Variants in KIAA0825 observed in about 807,000 individuals in gnomAD.
KIAA0825 encodes the protein uncharacterized protein KIAA0825.
A neutral mutation model predicts 147.6 loss-of-function variants in KIAA0825; 119 were observed. The observed-to-expected ratio is 0.81, with a 90% CI of 0.69 to 0.94. KIAA0825 has a LOEUF of 0.94. Ranked by LOEUF, KIAA0825 falls within the 40% of genes least tolerant of loss-of-function variation. KIAA0825 has a pLI of 0.00. For missense variants in KIAA0825, 1,381 were observed against 1,472.7 expected, an observed-to-expected ratio of 0.94 and a Z score of 1.02; for synonymous variants, 470 against 518.1, an observed-to-expected ratio of 0.91 and a Z score of 1.26.
chr5:94,332,617 TC>T (rs1191857858), intron 20 of KIAA0825, among the ~76,000 whole-genome samples: 3 of 152,306 alleles, frequency 2.0e-5, no homozygotes, highest in Non-Finnish European at 4.4e-5. Flanking sequence ...CTTTACCCAG[TC>T]TATCATTGGT....
rs562982708 is a variant in KIAA0825, at chr5:94,328,495, C to T, written c.3710+55873G>A. 2.9e-3 allele frequency among the ~76,000 whole-genome samples: 443 copies of T among 151,908 alleles called. 4 individuals are homozygous for T. The highest frequency in any genetic ancestry group is 9.6e-3 in the African/African-American group (398 of 41,492). On this transcript the variant is annotated intron_variant, in intron 20 of 20. Transcript: ENST00000682413. ...AGATTGATATTGCATTCTCTTGTCACTGTTTAAAAGGAGATTGATTAAATG... is the reference window on the plus strand; with the variant it reads ...AGATTGATATTGCATTCTCTTGTCATTGTTTAAAAGGAGATTGATTAAATG...
intron 10 of KIAA0825, among the ~76,000 whole-genome samples, chr5:94,468,232 C>G (rs751148698): frequency 7.2e-5 from 11 of 152,172 alleles, no homozygotes; most frequent in Non-Finnish European, 1.3e-4. Context: ...TTACACTGTA[C>G]AACTCTTCTA....
chr5:94,198,719 A>C (rs1442930847), intron 20 of KIAA0825, among the ~76,000 whole-genome samples: 2 of 152,176 alleles, frequency 1.3e-5, no homozygotes, highest in Non-Finnish European at 2.9e-5. Context: ...CTATGTGCCT[A>C]GATAACCAAC....
chr5:94,407,399 G>A (rs1752208857), intron 15 of KIAA0825, among the ~76,000 whole-genome samples: 2 of 152,168 alleles, frequency 1.3e-5, no homozygotes, highest in African/African-American at 2.4e-5. Flanking sequence ...GTACGCTAAT[G>A]TTCATACCAG....
intron 1 of KIAA0825, among the ~76,000 whole-genome samples, chr5:94,610,827 A>T (rs931059130): frequency 6.7e-6 from 1 of 148,952 alleles, no homozygotes; most frequent in Non-Finnish European, 1.5e-5. Flanking sequence ...ATTAAAAAAA[A>T]AGTCATGACA....
At chr5:94,215,060 A>G (rs1479836794) in intron 20 of KIAA0825, among the ~76,000 whole-genome samples, 1 of 152,200 alleles carries the variant, frequency 6.6e-6, no homozygotes, top group Non-Finnish European at 1.5e-5. Flanking sequence ...ACAAGAGAAG[A>G]AAAGTGAAAG....
intron 20 of KIAA0825, among the ~76,000 whole-genome samples, chr5:94,184,533 G>T (rs1323148107): frequency 2.6e-5 from 4 of 152,028 alleles, no homozygotes; most frequent in African/African-American, 9.7e-5. Context: ...TGTTTTATCT[G>T]CTTTTTGTTC....
At chr5:94,508,489 A>G (rs1766042334) in intron 5 of KIAA0825, among the ~76,000 whole-genome samples, 1 of 152,114 alleles carries the variant, frequency 6.6e-6, no homozygotes, top group Non-Finnish European at 1.5e-5. Context: ...TTGTTAATCT[A>G]AGGCAAACAT....
intron 1 of KIAA0825, among the ~76,000 whole-genome samples, chr5:94,589,188 CAG>C (rs1783887287): frequency 1.3e-5 from 2 of 152,030 alleles, no homozygotes; most frequent in Admixed American, 1.3e-4. Context: ...ACAAAAAAAA[CAG>C]ATTCCTGGGA....
At chr5:94,309,730 C>T (rs1162015635) in intron 20 of KIAA0825, among the ~76,000 whole-genome samples, 1 of 151,656 alleles carries the variant, frequency 6.6e-6, no homozygotes, top group Non-Finnish European at 1.5e-5. Context: ...TTGTAAAAAT[C>T]AGCCATCTGG....
At chr5:94,548,292 T>C (rs1774854172) in intron 2 of KIAA0825, among the ~76,000 whole-genome samples, 1 of 152,176 alleles carries the variant, frequency 6.6e-6, no homozygotes, top group Admixed American at 6.5e-5. Context: ...TTTTTACTAG[T>C]TTTCTTTTTG....
intron 2 of KIAA0825, among the ~76,000 whole-genome samples, chr5:94,558,944 C>T (rs968125509): frequency 2.0e-5 from 3 of 152,140 alleles, no homozygotes; most frequent in Admixed American, 2.0e-4. Flanking sequence ...TAGATCATAG[C>T]CTTTTGTCAT....
intron 1 of KIAA0825, among the ~76,000 whole-genome samples, chr5:94,586,082 A>G (rs892632316): frequency 7.2e-5 from 11 of 152,200 alleles, no homozygotes; most frequent in Non-Finnish European, 1.5e-4. Flanking sequence ...CCACAAGAGA[A>G]AGCAGAAAAG....
intron 2 of KIAA0825, among the ~76,000 whole-genome samples, chr5:94,549,569 CG>C (rs1561299876): frequency 6.6e-6 from 1 of 151,976 alleles, no homozygotes; most frequent in Non-Finnish European, 1.5e-5. Flanking sequence ...AAAAATTAGC[CG>C]GATGTGGTGG....
chr5:94,482,044 C>T (rs1762549043), intron 6 of KIAA0825, among the ~76,000 whole-genome samples: 1 of 151,994 alleles, frequency 6.6e-6, no homozygotes, highest in Non-Finnish European at 1.5e-5. Context: ...AGTAAGGCAC[C>T]ACAACAGTCA....
At chr5:94,581,637 G>A (rs1205648756) in intron 2 of KIAA0825, among the ~76,000 whole-genome samples, 1 of 152,006 alleles carries the variant, frequency 6.6e-6, no homozygotes, top group Non-Finnish European at 1.5e-5. Context: ...TTTGTCATTT[G>A]GTGTTTGTGT....
At chr5:94,612,947 G>A (rs1430073922) in intron 1 of KIAA0825, among the ~76,000 whole-genome samples, 1 of 152,166 alleles carries the variant, frequency 6.6e-6, no homozygotes, top group Non-Finnish European at 1.5e-5. Context: ...TCCTAGTAAA[G>A]TTGATAGTAT....
intron 20 of KIAA0825, among the ~76,000 whole-genome samples, chr5:94,190,821 T>C (rs144467513): frequency 3.3e-5 from 5 of 152,266 alleles, no homozygotes; most frequent in African/African-American, 1.2e-4. Context: ...ATAGAACATT[T>C]AATGATAATA....
chr5:94,253,771 G>A (rs1303402541), intron 20 of KIAA0825, among the ~76,000 whole-genome samples: 1 of 152,054 alleles, frequency 6.6e-6, no homozygotes, highest in East Asian at 1.9e-4. Flanking sequence ...AAATGGTCCC[G>A]CCTAATATCA....
Sources: allele counts gnomAD v4.1 joint callset (sites outside exome capture counted in the v4.1 genomes callset), GRCh38; gene constraint gnomAD v4.1.1; transcripts MANE v1.5; gene names NCBI Gene and HGNC (gene_info 2026-07-23, HGNC 2026-07-21).